WWOX: variants seen among roughly 807,000 people sequenced by gnomAD.
WWOX encodes WW domain-containing oxidoreductase.
A neutral mutation model predicts 46.2 loss-of-function variants in WWOX; 69 were observed. The observed-to-expected ratio is 1.49, with a 90% CI of 1.23 to 1.82. The LOEUF is 1.82. Among genes scored for constraint, WWOX ranks in the 40% most tolerant of loss-of-function variants. The pLI is 0.00. For missense variants in WWOX, 919 were observed against 542.6 expected (o/e 1.69, Z -6.89); for synonymous variants, 359 against 202.6 (o/e 1.77, Z -6.56).
chr16:78,720,414 A>G (rs918975770), intron 8 of WWOX, among the ~76,000 whole-genome samples: 1 of 151,180 alleles, frequency 6.6e-6, no homozygotes, highest in African/African-American at 2.5e-5. Flanking sequence ...CGAAAACTAA[A>G]AACTTATACA....
At chr16:78,234,940 GA>G (rs1269384072) in intron 5 of WWOX, among the ~76,000 whole-genome samples, 3 of 151,686 alleles carry the variant, frequency 2.0e-5, no homozygotes, top group Non-Finnish European at 4.4e-5. Context: ...AGGGATTAAG[GA>G]TATAAACCCA....
At chr16:79,069,550 A>G (rs2048509321) in intron 8 of WWOX, among the ~76,000 whole-genome samples, 2 of 143,342 alleles carry the variant, frequency 1.4e-5, no homozygotes, top group Non-Finnish European at 3.0e-5. Context: ...AAGAATCTTT[A>G]TTGGTAGGTT....
At chr16:78,608,545 G>C (rs1391569571) in intron 8 of WWOX, among the ~76,000 whole-genome samples, 1 of 152,160 alleles carries the variant, frequency 6.6e-6, no homozygotes, top group Admixed American at 6.5e-5. Flanking sequence ...GAGCCACTCT[G>C]TGCAGAAATG....
At chr16:78,853,967 TC>T (rs1203645086) in intron 8 of WWOX, among the ~76,000 whole-genome samples, 3 of 152,214 alleles carry the variant, frequency 2.0e-5, no homozygotes, top group African/African-American at 7.2e-5. Context: ...TGAAGGAATT[TC>T]CAGAATGTTC....
intron 8 of WWOX, among the ~76,000 whole-genome samples, chr16:78,588,416 G>T (rs750045789): frequency 6.6e-6 from 1 of 152,212 alleles, no homozygotes; most frequent in Non-Finnish European, 1.5e-5. Flanking sequence ...TCTGTACTCA[G>T]ATGAGGCTTG....
At chr16:78,944,750 T>C (rs751339659) in intron 8 of WWOX, among the ~76,000 whole-genome samples, 7 of 152,204 alleles carry the variant, frequency 4.6e-5, no homozygotes, top group Non-Finnish European at 8.8e-5. Context: ...CTTATGACAC[T>C]GATCCTTAGC....
At position 79,062,785 on chromosome 16, in the gene WWOX, C is replaced by T. The variant is rs545335150; in HGVS notation, c.1057-148823C>T. On this transcript the variant is annotated intron_variant, in intron 8 of 8. Coordinates refer to ENST00000566780, the MANE Select transcript of WWOX (RefSeq NM_016373.4). ...GAACATCACAGGGCCCTTCTTTGTG[C>T]ATTCTGGGTTCTAACAGCCCCTTGA... Among the ~76,000 whole-genome samples, 6 of 152,288 alleles carry T rather than the reference C, an allele frequency of 3.9e-5. No individual in the cohort carries two copies. In the East Asian group the frequency reaches 5.8e-4, roughly 15 times the overall value.
intron 6 of WWOX, among the ~76,000 whole-genome samples, chr16:78,406,561 G>T (rs979607006): frequency 6.6e-6 from 1 of 150,536 alleles, no homozygotes; most frequent in Non-Finnish European, 1.5e-5. Context: ...ATGTTGGCGA[G>T]GATGGTCTCA....
chr16:78,988,353 TAAA>T (rs35634625), intron 8 of WWOX, among the ~76,000 whole-genome samples: 29 of 132,644 alleles, frequency 2.2e-4, no homozygotes, highest in South Asian at 1.9e-3. Context: ...TCAAAAAAAA[TAAA>T]AAAAAAAAAA....
At chr16:78,128,089 A>G (rs149470788) in intron 4 of WWOX, among the ~76,000 whole-genome samples, 3 of 152,328 alleles carry the variant, frequency 2.0e-5, no homozygotes, top group African/African-American at 7.2e-5. Flanking sequence ...TCATAGTTAT[A>G]GAAGAAAGAC....
rs1033497384 is a variant in WWOX at position 78,782,433 on chromosome 16, G to A, written c.1056+349681G>A. The stretch of plus-strand genomic sequence containing the variant: ...TAGAGCTCTCTTATGCTGGGGCAAC[G>A]CTACCAACATTGGTATTCCACAGCA... On this transcript the variant is annotated intron_variant, in intron 8 of 8. Transcript: ENST00000566780. Among the ~76,000 whole-genome samples the A allele has an allele frequency of 3.9e-5, 6 of 152,220 alleles. No individual in the cohort carries two copies. The South Asian group carries it at 1.0e-3, about 26-fold the overall frequency.
intron 8 of WWOX, among the ~76,000 whole-genome samples, chr16:78,618,367 T>G (rs916806992): frequency 6.6e-6 from 1 of 152,178 alleles, no homozygotes; most frequent in African/African-American, 2.4e-5. Context: ...GAGTCCTAGA[T>G]CAAGGTGTCA....
chr16:78,157,308 G>A (rs541027950), intron 4 of WWOX, among the ~76,000 whole-genome samples: 1 of 152,194 alleles, frequency 6.6e-6, no homozygotes, highest in South Asian at 2.1e-4. Context: ...GACTTTGTTC[G>A]GTGCCTGCCC....
intron 6 of WWOX, among the ~76,000 whole-genome samples, chr16:78,418,530 TATAA>T (rs1284920583): frequency 8.5e-5 from 13 of 152,134 alleles, no homozygotes; most frequent in African/African-American, 1.7e-4. Context: ...CACTTTCACT[TATAA>T]ATAGAGATGC....
At chr16:78,315,487 T>C (rs1173998776) in intron 5 of WWOX, among the ~76,000 whole-genome samples, 1 of 151,996 alleles carries the variant, frequency 6.6e-6, no homozygotes, top group African/African-American at 2.4e-5. Context: ...CCATCTCTGC[T>C]ACAGATATAA....
intron 3 of WWOX, among the ~76,000 whole-genome samples, chr16:78,113,800 T>C (rs1216075405): frequency 1.3e-5 from 2 of 152,112 alleles, no homozygotes; most frequent in African/African-American, 4.8e-5. Context: ...TGTATAATAT[T>C]GGGGTCACAA....
intron 5 of WWOX, among the ~76,000 whole-genome samples, chr16:78,357,516 A>G (rs1662863645): frequency 6.6e-6 from 1 of 152,170 alleles, no homozygotes; most frequent in African/African-American, 2.4e-5. Context: ...TTGTGATGTT[A>G]TCATAACCTT....
chr16:78,946,376 AGAC>A (rs2045948676), intron 8 of WWOX, among the ~76,000 whole-genome samples: 1 of 152,000 alleles, frequency 6.6e-6, no homozygotes, highest in East Asian at 1.9e-4. Flanking sequence ...TTTTTAGTAG[AGAC>A]GGGGTTTCAC....
rs72628249 is a variant in WWOX, at chr16:78,413,998, C to G, written c.606-10872C>G. 9.9e-3 allele frequency among the ~76,000 whole-genome samples: 1,500 copies of G among 151,916 alleles called. 25 individuals are homozygous for G. Among genetic ancestry groups the G allele is most frequent in the East Asian group, 0.084 (423 of 5,014 alleles). ...AAGAACTACAAAAGAAGTGAAATAG[C>G]CAGTTCTTGCCTTAACTGATGACAT... On this transcript the variant is annotated intron_variant, in intron 6 of 8. Coordinates refer to ENST00000566780, the MANE Select transcript of WWOX (RefSeq NM_016373.4).
Sources: gnomAD v4.1 joint callset for allele counts (sites outside exome capture counted in the v4.1 genomes callset) on GRCh38, gnomAD v4.1.1 for gene constraint, MANE v1.5 for transcripts, NCBI Gene and HGNC (gene_info 2026-07-23, HGNC 2026-07-21) for gene names.